The following FERRY3 variants were observed in gnomAD, a reference collection of about 807,000 sequenced individuals.
FERRY3 encodes FERRY endosomal RAB5 effector complex subunit 3.
chr12:4,504,843 T>G, the FERRY3 span, among the ~76,000 whole-genome samples: 1 of 152,154 alleles, frequency 6.6e-6, no homozygotes, highest in Non-Finnish European at 1.5e-5. Flanking sequence ...TGGCTCACGC[T>G]TGTAATCCCA....
At chr12:4,534,145 C>A in the FERRY3 span, 2 of 1,544,214 alleles carry the variant, frequency 1.3e-6, no homozygotes, top group Non-Finnish European at 8.7e-7. Flanking sequence ...ACAATCTGAC[C>A]TATTTTCTTA....
At chr12:4,511,069 A>G in the FERRY3 span, among the ~76,000 whole-genome samples, 1 of 148,876 alleles carries the variant, frequency 6.7e-6, no homozygotes, top group South Asian at 2.1e-4. Context: ...TGGAAAACAA[A>G]AAAAGGCAGG....
At chr12:4,489,663 G>T in the FERRY3 span, 1 of 545,854 alleles carries the variant, frequency 1.8e-6, no homozygotes, top group Non-Finnish European at 3.2e-6. Flanking sequence ...TTTTTGGAAT[G>T]GTTTCACACA....
chr12:4,513,345 C>T, the FERRY3 span, among the ~76,000 whole-genome samples: 5 of 152,072 alleles, frequency 3.3e-5, no homozygotes, highest in South Asian at 2.1e-4. Context: ...CAGTGCCATC[C>T]GCATCACAAG....
the FERRY3 span, among the ~76,000 whole-genome samples, chr12:4,494,792 T>C: frequency 6.6e-6 from 1 of 152,232 alleles, no homozygotes; most frequent in Admixed American, 6.5e-5. Context: ...CAAAATTGTT[T>C]TGGCTGTTTC....
chr12:4,518,315 C>A, the FERRY3 span: 44 of 1,461,088 alleles, frequency 3.0e-5, no homozygotes, highest in Non-Finnish European at 4.1e-5. Context: ...TCCAGTATAA[C>A]AAGATGCAAA....
chr12:4,487,935 G>A, the FERRY3 span: 1 of 151,800 alleles, frequency 6.6e-6, no homozygotes, highest in Non-Finnish European at 1.5e-5. Flanking sequence ...ATAATTCTTG[G>A]TCCAAATACA....
the FERRY3 span, among the ~76,000 whole-genome samples, chr12:4,513,938 A>T: frequency 6.6e-6 from 1 of 151,968 alleles, no homozygotes; most frequent in Non-Finnish European, 1.5e-5. Context: ...AAAAGAAACT[A>T]CCATCAGAGT....
At chr12:4,497,141 C>T in the FERRY3 span, among the ~76,000 whole-genome samples, 1 of 152,122 alleles carries the variant, frequency 6.6e-6, no homozygotes, top group Non-Finnish European at 1.5e-5. Flanking sequence ...ACCCAAATGT[C>T]CACAAATAGT....
chr12:4,536,432 T>G, the FERRY3 span, among the ~76,000 whole-genome samples: 1 of 151,558 alleles, frequency 6.6e-6, no homozygotes, highest in Non-Finnish European at 1.5e-5. Flanking sequence ...GTTTTAAACT[T>G]GATTTAAGAA....
At chr12:4,515,137 T>G in the FERRY3 span, among the ~76,000 whole-genome samples, 1 of 152,170 alleles carries the variant, frequency 6.6e-6, no homozygotes, top group East Asian at 1.9e-4. Context: ...AACAGCTGAA[T>G]TACTCTGCGA....
At chr12:4,534,919 G>A in the FERRY3 span, among the ~76,000 whole-genome samples, 15 of 152,338 alleles carry the variant, frequency 9.8e-5, no homozygotes, top group Non-Finnish European at 1.9e-4. Context: ...TTGAAGCCAA[G>A]TGGGTATAAG....
At chr12:4,490,442 AG>A in the FERRY3 span, 1 of 1,140,542 alleles carries the variant, frequency 8.8e-7, no homozygotes, top group Non-Finnish European at 1.2e-6. Context: ...TTGGGATTTT[AG>A]GGCAGGATGC....
At chr12:4,503,475 C>T in the FERRY3 span, among the ~76,000 whole-genome samples, 1 of 151,990 alleles carries the variant, frequency 6.6e-6, no homozygotes, top group African/African-American at 2.4e-5. Flanking sequence ...CTATGACTGG[C>T]TTACAAGTAT....
At chr12:4,488,759 ATAACT>A in the FERRY3 span, 3 of 152,208 alleles carry the variant, frequency 2.0e-5, no homozygotes, top group African/African-American at 7.2e-5. The surrounding 1 kb of genome is among the most constrained non-coding windows in gnomAD (Gnocchi z 4.9). Context: ...CAATATCCAC[ATAACT>A]TGGAATTGAT....
At chr12:4,493,212 G>A in the FERRY3 span, among the ~76,000 whole-genome samples, 7 of 152,166 alleles carry the variant, frequency 4.6e-5, no homozygotes, top group Non-Finnish European at 7.4e-5. Context: ...TTATCCTGTC[G>A]TTTTTGGGGA....
the FERRY3 span, among the ~76,000 whole-genome samples, chr12:4,512,870 A>G: frequency 1.6e-5 from 1 of 61,872 alleles, no homozygotes; most frequent in Non-Finnish European, 3.1e-5. Context: ...TATTCAACAT[A>G]GTGTTGGAAG....
chr12:4,513,836 A>G, the FERRY3 span, among the ~76,000 whole-genome samples: 1 of 152,096 alleles, frequency 6.6e-6, no homozygotes, highest in Non-Finnish European at 1.5e-5. Context: ...AGGCATGGGC[A>G]AGGACTTCAT....
chr12:4,529,344 G>C, the FERRY3 span, among the ~76,000 whole-genome samples: 1 of 152,224 alleles, frequency 6.6e-6, no homozygotes, highest in Non-Finnish European at 1.5e-5. Context: ...AAAATGAACT[G>C]AAAGAGCCAT....
Sources: allele counts gnomAD v4.1 joint callset (sites outside exome capture counted in the v4.1 genomes callset), GRCh38; gene constraint gnomAD v4.1.1; non-coding constraint Gnocchi (gnomAD v3.1); transcripts MANE v1.5; gene names NCBI Gene and HGNC (gene_info 2026-07-23, HGNC 2026-07-21).